Variants in ACYP2 observed in about 807,000 individuals in gnomAD.
ACYP2 encodes acylphosphatase 2.
Under a neutral mutation model 11.2 loss-of-function variants are expected in ACYP2, and 12 were observed. That is an observed-to-expected ratio of 1.08 (90% CI 0.69 to 1.74). The LOEUF (loss-of-function observed/expected upper bound fraction) is 1.74. ACYP2 is among the 40% of genes most tolerant of loss of function. ACYP2 has a pLI of 0.00. For synonymous variants in ACYP2, 43 were observed against 32.2 expected (o/e 1.33, Z -1.13); for missense variants, 134 against 101.9 (o/e 1.31, Z -1.35).
chr2:54,219,834 T>G lies in ACYP2; in HGVS notation c.404+81086T>G, dbSNP rs1231857006. On this transcript the variant is annotated intron_variant, in intron 6 of 6. Transcript: ENST00000607452. ...GTTTGTGTATGTGTGTGTGTATATATATGTGTATGTGTGTGTATATAGATG... is the reference window on the plus strand; with the variant it reads ...GTTTGTGTATGTGTGTGTGTATATAGATGTGTATGTGTGTGTATATAGATG... Among the ~76,000 whole-genome samples the G allele has an allele frequency of 4.2e-5, 6 of 141,206 alleles. No homozygotes were observed. In the South Asian group the frequency reaches 6.8e-4, roughly 16 times the overall value. 92.6% of individuals were successfully genotyped at this position (141,206 alleles called of 152,430 possible).
At chr2:54,182,175 T>C (rs962875014) in intron 6 of ACYP2, among the ~76,000 whole-genome samples, 1 of 148,182 alleles carries the variant, frequency 6.7e-6, no homozygotes, top group Non-Finnish European at 1.5e-5. Context: ...TTCTCCTGCC[T>C]CAGCCTCCCG....
At chr2:54,254,802 G>C (rs1170346536) in intron 6 of ACYP2, 1 of 987,008 alleles carries the variant, frequency 1.0e-6, no homozygotes, top group Non-Finnish European at 1.5e-6. Context: ...TTTAAACAGA[G>C]GGTACAGGAA....
intron 6 of ACYP2, chr2:54,255,013 T>A: frequency 1.2e-6 from 2 of 1,614,110 alleles, no homozygotes; most frequent in African/African-American, 2.7e-5. Context: ...CAACAGGTAG[T>A]ACTGCAGTGG....
At chr2:54,099,237 C>T (rs956710528) in intron 4 of ACYP2, among the ~76,000 whole-genome samples, 6 of 152,188 alleles carry the variant, frequency 3.9e-5, no homozygotes, top group Admixed American at 3.3e-4. Context: ...ATGGCCAAAT[C>T]AAGCTAATTA....
chr2:54,265,838 C>G (rs906339351), intron 6 of ACYP2, among the ~76,000 whole-genome samples: 3 of 152,210 alleles, frequency 2.0e-5, no homozygotes, highest in Non-Finnish European at 4.4e-5. Context: ...TTGTGAAGCA[C>G]AGAATTGTTC....
intron 6 of ACYP2, among the ~76,000 whole-genome samples, chr2:54,183,182 C>G (rs1453239788): frequency 1.3e-5 from 2 of 152,088 alleles, no homozygotes; most frequent in African/African-American, 4.8e-5. Context: ...AATTGTAAAG[C>G]TATGGTTTCC....
intron 4 of ACYP2, among the ~76,000 whole-genome samples, chr2:54,066,499 A>C (rs1349657737): frequency 1.3e-5 from 2 of 152,190 alleles, no homozygotes; most frequent in Non-Finnish European, 2.9e-5. Context: ...TCATTTTCCA[A>C]TAAGGAAATT....
intron 4 of ACYP2, among the ~76,000 whole-genome samples, chr2:54,070,208 T>C (rs1387740525): frequency 1.3e-5 from 2 of 149,300 alleles, no homozygotes; most frequent in Non-Finnish European, 3.0e-5. Context: ...AGTTGGAGGT[T>C]GTGGTGAGCC....
intron 6 of ACYP2, among the ~76,000 whole-genome samples, chr2:54,241,610 T>G (rs1033724104): frequency 6.6e-6 from 1 of 152,234 alleles, no homozygotes; most frequent in African/African-American, 2.4e-5. Flanking sequence ...GAAGTGAAGA[T>G]AGTCACGTCT....
At chr2:53,990,225 C>T (rs368862617) in intron 2 of ACYP2, among the ~76,000 whole-genome samples, 51 of 152,072 alleles carry the variant, frequency 3.4e-4, no homozygotes, top group African/African-American at 1.2e-3. Context: ...GTGACTTACC[C>T]GCCTCGGCCT....
chr2:54,231,399 C>T (rs990719384), intron 6 of ACYP2, among the ~76,000 whole-genome samples: 1 of 152,182 alleles, frequency 6.6e-6, no homozygotes, highest in Non-Finnish European at 1.5e-5. Context: ...CCAAGAAATG[C>T]AGTATCTTTC....
intron 6 of ACYP2, among the ~76,000 whole-genome samples, chr2:54,211,973 A>G (rs888284343): frequency 1.3e-5 from 2 of 152,120 alleles, no homozygotes; most frequent in Admixed American, 1.3e-4. Flanking sequence ...GATTTCAACC[A>G]GGGGCTGATT....
intron 6 of ACYP2, among the ~76,000 whole-genome samples, chr2:54,165,036 G>T (rs954507381): frequency 6.6e-6 from 1 of 152,268 alleles, no homozygotes; most frequent in South Asian, 2.1e-4. Context: ...CAAAGGACAT[G>T]AACTCATTCC....
intron 2 of ACYP2, among the ~76,000 whole-genome samples, chr2:54,019,066 A>G (rs1297724924): frequency 6.7e-6 from 1 of 148,666 alleles, no homozygotes; most frequent in Non-Finnish European, 1.5e-5. Context: ...TATTATTATT[A>G]TTATGTTTTT....
rs80251398 is a variant in ACYP2 at position 54,001,820 on chromosome 2, G to C, written c.62+28010G>C. ...GGAAGTCTTCCTCCTGCCATGGCTT[G>C]GTTGTTGCTGTTGTTTTCAATAGAC... On this transcript the variant is annotated intron_variant, in intron 2 of 6. Transcript: ENST00000607452. Among the ~76,000 whole-genome samples, 16 of 152,288 alleles carry C rather than the reference G, an allele frequency of 1.1e-4. No homozygotes were observed. The East Asian group carries it at 3.1e-3, about 29-fold the overall frequency.
intron 6 of ACYP2, among the ~76,000 whole-genome samples, chr2:54,265,220 C>T (rs558152719): frequency 6.6e-6 from 1 of 152,138 alleles, no homozygotes; most frequent in South Asian, 2.1e-4. Context: ...TACAGTTCCA[C>T]GTGGCTGGGG....
chr2:54,255,382 C>T (rs1197916166), intron 6 of ACYP2: 1 of 1,613,962 alleles, frequency 6.2e-7, no homozygotes, highest in Non-Finnish European at 8.5e-7. Flanking sequence ...TGGGTGGTGG[C>T]GGAAAGCAGT....
At chr2:54,079,165 A>G (rs568797243) in intron 4 of ACYP2, among the ~76,000 whole-genome samples, 4 of 152,304 alleles carry the variant, frequency 2.6e-5, no homozygotes, top group African/African-American at 9.6e-5. Flanking sequence ...GATGACTGAC[A>G]CTTGATGTAG....
At chr2:54,263,393 T>C (rs537599297) in intron 6 of ACYP2, among the ~76,000 whole-genome samples, 15 of 152,222 alleles carry the variant, frequency 9.9e-5, no homozygotes, top group African/African-American at 3.4e-4. Flanking sequence ...CCTCGAACAC[T>C]GGGGATTACA....
Sources: allele counts gnomAD v4.1 joint callset (sites outside exome capture counted in the v4.1 genomes callset), GRCh38; gene constraint gnomAD v4.1.1; transcripts MANE v1.5; gene names NCBI Gene and HGNC (gene_info 2026-07-23, HGNC 2026-07-21).